Variants in ATAD3C observed in about 807,000 individuals in gnomAD.
The protein encoded by ATAD3C is ATPase family AAA domain containing 3C, also known as ATPase family AAA domain-containing protein 3C.
Under a neutral mutation model 46.3 loss-of-function variants are expected in ATAD3C, and 38 were observed. The ratio of observed to expected loss-of-function variants is 0.82; its 90% CI spans 0.63 to 1.08. The LOEUF (loss-of-function observed/expected upper bound fraction) is 1.08, where lower values mean the gene tolerates loss of function less well. Among genes scored for constraint, ATAD3C ranks in the 50% least tolerant of loss-of-function variants. ATAD3C has a pLI of 0.00. For missense variants in ATAD3C, 563 were observed against 572.7 expected (o/e 0.98, Z 0.17); for synonymous variants, 220 against 236.4 (o/e 0.93, Z 0.63).
intron 4 of ATAD3C, 147 bp downstream of exon 4, chr1:1,454,647 TG>T: frequency 7.7e-7 from 1 of 1,300,442 alleles, no homozygotes; most frequent in Non-Finnish European, 1.0e-6. Flanking sequence ...TGGGTTTTCC[TG>T]TCTGGCGCTG....
At chr1:1,450,976 G>C (rs548194420) in intron 1 of ATAD3C, among the ~76,000 whole-genome samples, 1 of 152,154 alleles carries the variant, frequency 6.6e-6, no homozygotes, top group African/African-American at 2.4e-5. Context: ...GTGTTGGTGA[G>C]GGCGTCTGGT....
chr1:1,452,180 C>T, intron 2 of ATAD3C, 58 bp downstream of exon 2: 2 of 1,601,294 alleles, frequency 1.2e-6, no homozygotes, highest in Non-Finnish European at 1.7e-6. Context: ...GTGTGAGTCG[C>T]TGGTCCCAGG....
At position 1,450,416 on chromosome 1, in the gene ATAD3C, C is replaced by G. The variant is rs935202344; in HGVS notation, c.-268C>G. The G allele has an allele frequency of 8.7e-6, 4 of 460,384 alleles. No homozygotes were observed. The highest frequency in any genetic ancestry group is 1.6e-5 in the Non-Finnish European group (4 of 252,028). 28.5% of individuals were successfully genotyped at this position (460,384 alleles called of 1,614,324 possible). On this transcript the variant is annotated 5_prime_UTR_variant, in exon 1 of 12. Coordinates refer to ENST00000378785, the MANE Select transcript of ATAD3C (RefSeq NM_001039211.3). ...GTTGAATTGGGAAAGAGCCTCCTCC[C>G]GTCCACATGGGATGGCCTTCCTGAT...
chr1:1,468,902 T>C lies in ATAD3C; in HGVS notation c.*372T>C. 3.8e-6 allele frequency: 1 copy of C among 265,746 alleles called. No individual in the cohort carries two copies. Among genetic ancestry groups the C allele is most frequent in the Admixed American group, 5.3e-5 (1 of 19,010 alleles). The allele number at this position is 265,746 out of a possible 1,614,324, so 16.5% of individuals were successfully genotyped here. A position where few individuals can be genotyped will look rare whatever the true frequency, so the allele number is the denominator to read the frequency against. ...TGGCCAGACACACGGTGGAGGGAAG[T>C]GCACGCGAAACAGACACAGCGGCTT... On this transcript the variant is annotated 3_prime_UTR_variant, in exon 12 of 12. Transcript: ENST00000378785.
chr1:1,453,491 C>T (rs1056278119), intron 3 of ATAD3C, among the ~76,000 whole-genome samples: 1 of 151,780 alleles, frequency 6.6e-6, no homozygotes, highest in African/African-American at 2.4e-5. Context: ...TGTGTACCAC[C>T]ATGCCCGGCC....
chr1:1,465,189 AG>A (rs985869272), intron 11 of ATAD3C, among the ~76,000 whole-genome samples: 1 of 151,640 alleles, frequency 6.6e-6, no homozygotes, highest in African/African-American at 2.4e-5. Context: ...GAGCCCGGTC[AG>A]TTTTCACTGT....
Position 1,454,231 on chromosome 1 carries a change from G to C in ATAD3C, c.223-114G>C, listed in dbSNP as rs954583950. 4 of 1,446,376 alleles carry C rather than the reference G, an allele frequency of 2.8e-6. No homozygotes were observed. The African/African-American group carries it at 4.3e-5, about 15-fold the overall frequency. The allele number at this position is 1,446,376 out of a possible 1,614,324, so 89.6% of individuals were successfully genotyped here. A position where few individuals can be genotyped will look rare whatever the true frequency, so the allele number is the denominator to read the frequency against. On this transcript the variant is annotated intron_variant, in intron 3 of 11. Coordinates refer to ENST00000378785, the MANE Select transcript of ATAD3C (RefSeq NM_001039211.3). ...TCGGGTTCCTGTGGGGCCAGCACACGGCCCTGTGCTTCTCCCTCAGGCGGA... is the reference window on the plus strand; with the variant it reads ...TCGGGTTCCTGTGGGGCCAGCACACCGCCCTGTGCTTCTCCCTCAGGCGGA...
chr1:1,453,698 G>A lies in ATAD3C; in HGVS notation c.223-647G>A, dbSNP rs534033382. On this transcript the variant is annotated intron_variant, in intron 3 of 11. Coordinates refer to ENST00000378785, the MANE Select transcript of ATAD3C (RefSeq NM_001039211.3). ...GTTGTTGCCCAGGCTTGAGTGTGAC[G>A]GCGCAGTCTGGGCTCACTGCAACCT... 1.6e-3 allele frequency among the ~76,000 whole-genome samples: 228 copies of A among 146,960 alleles called. 1 individual carries two copies. Among genetic ancestry groups the A allele is most frequent in the Middle Eastern group, 3.5e-3 (1 of 286 alleles).
chr1:1,451,507 C>T lies in ATAD3C; in HGVS notation c.76-539C>T, dbSNP rs1028294186. Among the ~76,000 whole-genome samples the T allele has an allele frequency of 2.0e-4, 30 of 152,054 alleles. 1 individual carries two copies. Among genetic ancestry groups the T allele is most frequent in the Admixed American group, 1.4e-3 (22 of 15,244 alleles). On this transcript the variant is annotated intron_variant, in intron 1 of 11. Coordinates refer to ENST00000378785, the MANE Select transcript of ATAD3C (RefSeq NM_001039211.3). The stretch of plus-strand genomic sequence containing the variant: ...GATTACAGGCACCCACCACCATACT[C>T]GGCTAATTTTTGTATTTTTATTAGA...
At chr1:1,455,601 C>T (rs1437516476) in intron 5 of ATAD3C, 82 bp downstream of exon 5, 1 of 1,600,202 alleles carries the variant, frequency 6.2e-7, no homozygotes, top group African/African-American at 1.3e-5. Context: ...GCTGGCGCTC[C>T]TGGTGGCGCC....
At position 1,458,491 on chromosome 1, in the gene ATAD3C, G is replaced by A. The variant is rs562626746; in HGVS notation, c.742-670G>A. On this transcript the variant is annotated intron_variant, in intron 8 of 11. Coordinates refer to ENST00000378785, the MANE Select transcript of ATAD3C (RefSeq NM_001039211.3). ...GACTGGGTTTCTCCATGCCGGTCAG[G>A]CTAGTCCCGAACTCCCGACCTCAGG... 1.6e-3 allele frequency among the ~76,000 whole-genome samples: 249 copies of A among 151,756 alleles called. 2 individuals carry two copies. Among genetic ancestry groups the A allele is most frequent in the African/African-American group, 5.6e-3 (232 of 41,400 alleles).
chr1:1,452,542 T>C, intron 3 of ATAD3C, 108 bp downstream of exon 3: 1 of 1,554,162 alleles, frequency 6.4e-7, no homozygotes, highest in Admixed American at 1.8e-5. Flanking sequence ...GTCCTGGCGC[T>C]CTCCCAGCAT....
At chr1:1,466,465 A>G (rs1639143820) in intron 11 of ATAD3C, among the ~76,000 whole-genome samples, 1 of 147,822 alleles carries the variant, frequency 6.8e-6, no homozygotes. Context: ...AGGCAAGAGA[A>G]TGGCGTGAAC....
At chr1:1,454,767 G>A (rs1202570154) in intron 4 of ATAD3C, among the ~76,000 whole-genome samples, 1 of 151,730 alleles carries the variant, frequency 6.6e-6, no homozygotes, top group Non-Finnish European at 1.5e-5. Flanking sequence ...GCAAGACCCG[G>A]GATTTGGGTG....
chr1:1,468,245 A>G, intron 11 of ATAD3C, 139 bp from the exon 12 acceptor site: 2 of 1,374,078 alleles, frequency 1.5e-6, no homozygotes, highest in Admixed American at 3.0e-5. Flanking sequence ...GGCTCTGCCG[A>G]GGTGCGGGTA....
At chr1:1,452,550 C>A (rs1382164173) in intron 3 of ATAD3C, 116 bp downstream of exon 3, 8 of 1,538,448 alleles carry the variant, frequency 5.2e-6, no homozygotes, top group Admixed American at 1.8e-5. Context: ...GCTCTCCCAG[C>A]ATGGAACAAG....
At position 1,454,458 on chromosome 1, in the gene ATAD3C, G is replaced by C; in HGVS notation, c.336G>C (p.Thr112=). 1 of 1,609,896 alleles carries C rather than the reference G, an allele frequency of 6.2e-7. No individual in the cohort carries two copies. The highest frequency in any genetic ancestry group is 1.1e-5 in the South Asian group (1 of 90,632). ...GGAAGCCGTCCCTAGTGAGGGAGACGTCCCGCATCACGGTGCTTGAGGCGC... is the reference window on the plus strand; with the variant it reads ...GGAAGCCGTCCCTAGTGAGGGAGACCTCCCGCATCACGGTGCTTGAGGCGC... ...RLGKPSLVRE[T]SRITVLEALR... Residue 112 remains threonine (T), a synonymous_variant, in exon 4 of 12, where the codon ACG becomes ACC. Transcript: ENST00000378785.
intron 11 of ATAD3C, among the ~76,000 whole-genome samples, chr1:1,463,339 C>T (rs1196503281): frequency 6.6e-6 from 1 of 152,110 alleles, no homozygotes; most frequent in East Asian, 1.9e-4. Context: ...GCACCCTGGC[C>T]ATGCACAGGC....
intron 7 of ATAD3C, among the ~76,000 whole-genome samples, chr1:1,456,593 G>A (rs1280613340): frequency 6.6e-6 from 1 of 151,492 alleles, no homozygotes; most frequent in Non-Finnish European, 1.5e-5. Flanking sequence ...CAGAAGGGAG[G>A]TGGGTGGGTG....
Sources: allele counts gnomAD v4.1 joint callset (sites outside exome capture counted in the v4.1 genomes callset), GRCh38; gene constraint gnomAD v4.1.1; transcripts MANE v1.5; gene names NCBI Gene and HGNC (gene_info 2026-07-23, HGNC 2026-07-21).